Variants in PATJ observed in about 807,000 individuals in gnomAD.
PATJ encodes inaD-like protein.
Under a neutral mutation model 224.9 loss-of-function variants are expected in PATJ, and 190 were observed. The ratio of observed to expected loss-of-function variants is 0.84; its 90% CI spans 0.75 to 0.95. PATJ has a LOEUF of 0.95. Ranked by LOEUF, PATJ falls within the 40% of genes least tolerant of loss-of-function variation. The probability of loss-of-function intolerance (pLI) is 0.00; values close to 1 mark genes in which losing one functional copy is unlikely to be tolerated. For synonymous variants in PATJ, 769 were observed against 820.3 expected, an observed-to-expected ratio of 0.94 and a Z score of 1.07; for missense variants, 2,121 against 2,270.3, an observed-to-expected ratio of 0.93 and a Z score of 1.34.
chr1:61,939,498 C>T (rs1677447437), intron 27 of PATJ, among the ~76,000 whole-genome samples: 1 of 151,712 alleles, frequency 6.6e-6, no homozygotes, highest in Non-Finnish European at 1.5e-5. Context: ...ATAAGTGTAA[C>T]TATAAAAATC....
At chr1:61,989,332 G>T (rs1421869171) in intron 27 of PATJ, among the ~76,000 whole-genome samples, 7 of 152,134 alleles carry the variant, frequency 4.6e-5, no homozygotes, top group Non-Finnish European at 8.8e-5. Context: ...ATGAAAAAGT[G>T]GAACCTCATA....
Position 62,106,156 on chromosome 1 carries a change from G to GTATATATATATA in PATJ, c.4378-2280_4378-2279insATATATATATAT, listed in dbSNP as rs1372747156. On this transcript the variant is annotated intron_variant, in intron 33 of 43. Transcript: ENST00000642238. ...TATACATGTGTATATGTGTGTGTGT[G>GTATATATATATA]TGTATATATATATATATATATATAT... Among the ~76,000 whole-genome samples the GTATATATATATA allele has an allele frequency of 6.0e-3, 331 of 54,802 alleles. 24 individuals carry two copies. Among genetic ancestry groups the GTATATATATATA allele is most frequent in the African/African-American group, 0.016 (268 of 16,278 alleles). The allele number at this position is 54,802 out of a possible 152,430, so 36.0% of individuals were successfully genotyped here.
intron 31 of PATJ, among the ~76,000 whole-genome samples, chr1:62,078,326 A>G (rs1159437945): frequency 3.3e-5 from 5 of 152,194 alleles, no homozygotes; most frequent in Non-Finnish European, 7.4e-5. Context: ...CTTGTTGCCC[A>G]GGCTGGAGTG....
At chr1:61,822,878 T>C (rs1657564672) in intron 14 of PATJ, 67 bp from the exon 15 acceptor site, 2 of 1,588,222 alleles carry the variant, frequency 1.3e-6, no homozygotes, top group African/African-American at 1.3e-5. Flanking sequence ...AAAATAGCAC[T>C]GGATGGAGGA....
At chr1:61,772,373 A>G (rs1222162630) in intron 6 of PATJ, among the ~76,000 whole-genome samples, 1 of 152,154 alleles carries the variant, frequency 6.6e-6, no homozygotes, top group African/African-American at 2.4e-5. Context: ...AAATTATAGC[A>G]GGCTTTTTTT....
At chr1:62,082,170 G>A (rs1315877849) in intron 32 of PATJ, among the ~76,000 whole-genome samples, 6 of 152,088 alleles carry the variant, frequency 3.9e-5, no homozygotes, top group Admixed American at 3.9e-4. Flanking sequence ...CCATAGGCTG[G>A]CCATAGGCTA....
intron 27 of PATJ, among the ~76,000 whole-genome samples, chr1:61,953,796 T>G (rs1680056965): frequency 6.6e-6 from 1 of 152,244 alleles, no homozygotes; most frequent in South Asian, 2.1e-4. Flanking sequence ...AAAAATCTAT[T>G]TCTCCAGATT....
At position 61,822,997 on chromosome 1, in the gene PATJ, G is replaced by C; in HGVS notation, c.1736G>C (p.Gly579Ala). Residue 579 changes from glycine to alanine, a missense_variant, in exon 15 of 44, where the codon GGG (glycine) becomes GCG (alanine). Coordinates refer to ENST00000642238, the MANE Select transcript of PATJ (RefSeq NM_001350145.3). ...RLGVEVDSFD[G>A]HHYISSIVSG... Reference sequence around the variant, plus strand: ...GGTGTGGAAGTGGATTCCTTTGATGGGCACCATTATATTTCTTCAATTGTT... The same window carrying C: ...GGTGTGGAAGTGGATTCCTTTGATGCGCACCATTATATTTCTTCAATTGTT... 6.2e-7 allele frequency: 1 copy of C among 1,613,936 alleles called. No individual in the cohort carries two copies. The highest frequency in any genetic ancestry group is 8.5e-7 in the Non-Finnish European group (1 of 1,179,918).
intron 26 of PATJ, among the ~76,000 whole-genome samples, chr1:61,914,916 T>TCAA (rs1232196204): frequency 6.6e-6 from 1 of 152,198 alleles, no homozygotes. Flanking sequence ...TCTTTCCTGT[T>TCAA]CAGACAGGCT....
chr1:61,990,914 A>G, intron 28 of PATJ, among the ~76,000 whole-genome samples: 1 of 152,202 alleles, frequency 6.6e-6, no homozygotes, highest in South Asian at 2.1e-4. Context: ...TCCTCTTTTA[A>G]TTACTCCAGA....
At chr1:61,818,371 G>A (rs760201343) in intron 14 of PATJ, among the ~76,000 whole-genome samples, 27 of 152,144 alleles carry the variant, frequency 1.8e-4, no homozygotes, top group African/African-American at 6.3e-4. Flanking sequence ...CATGACATGC[G>A]GTGTGTGTGA....
intron 22 of PATJ, among the ~76,000 whole-genome samples, chr1:61,886,934 T>C (rs918595014): frequency 6.6e-6 from 1 of 151,514 alleles, no homozygotes; most frequent in African/African-American, 2.4e-5. Flanking sequence ...TGAGCTATAA[T>C]TGTGCCACTG....
chr1:61,824,294 A>C (rs540692878), intron 15 of PATJ, among the ~76,000 whole-genome samples: 14 of 150,872 alleles, frequency 9.3e-5, no homozygotes, highest in African/African-American at 2.9e-4. Context: ...CAAACCCCTG[A>C]ACTCAAACAA....
chr1:61,868,333 A>C (rs1194432178), intron 20 of PATJ, among the ~76,000 whole-genome samples: 1 of 152,194 alleles, frequency 6.6e-6, no homozygotes, highest in Non-Finnish European at 1.5e-5. Context: ...CCTGCCAACC[A>C]AACACTATTT....
chr1:62,151,008 A>G (rs538883309), intron 42 of PATJ, among the ~76,000 whole-genome samples: 1 of 151,672 alleles, frequency 6.6e-6, no homozygotes, highest in African/African-American at 2.4e-5. Context: ...ACGTGGTGGC[A>G]CATGCCTGTA....
intron 1 of PATJ, among the ~76,000 whole-genome samples, chr1:61,762,201 C>T (rs915131134): frequency 1.3e-5 from 2 of 152,004 alleles, no homozygotes; most frequent in African/African-American, 4.8e-5. Flanking sequence ...ATGACCCTGC[C>T]CCAGGTAAAT....
At chr1:61,803,560 G>T (rs1467755220) in intron 12 of PATJ, among the ~76,000 whole-genome samples, 1 of 151,972 alleles carries the variant, frequency 6.6e-6, no homozygotes. Flanking sequence ...CACGAAAGAG[G>T]AATACAAAAA....
chr1:61,977,406 T>G (rs533870388), intron 27 of PATJ, among the ~76,000 whole-genome samples: 1 of 152,094 alleles, frequency 6.6e-6, no homozygotes, highest in Non-Finnish European at 1.5e-5. Context: ...GGAAATTTTT[T>G]GGATTAGTGG....
chr1:61,818,033 TC>T (rs1656506166), intron 14 of PATJ, among the ~76,000 whole-genome samples: 1 of 152,132 alleles, frequency 6.6e-6, no homozygotes, highest in Non-Finnish European at 1.5e-5. Context: ...AAGTTTCTTC[TC>T]CCCCTGAAGC....
Sources: allele counts gnomAD v4.1 joint callset (sites outside exome capture counted in the v4.1 genomes callset), GRCh38; gene constraint gnomAD v4.1.1; transcripts MANE v1.5; gene names NCBI Gene and HGNC (gene_info 2026-07-23, HGNC 2026-07-21).